The following ADGRA2 variants were observed in gnomAD, a reference collection of about 807,000 sequenced individuals.
ADGRA2 encodes adhesion G protein-coupled receptor A2.
A neutral mutation model predicts 98.7 loss-of-function variants in ADGRA2; 61 were observed. The ratio of observed to expected loss-of-function variants is 0.62; its 90% confidence interval spans 0.50 to 0.76. ADGRA2 has a LOEUF of 0.76. ADGRA2 is among the 30% of genes least tolerant of loss of function. The pLI is 0.00. For synonymous variants in ADGRA2, 858 were observed against 831.5 expected (o/e 1.03, Z -0.55); for missense variants, 1,712 against 1,860.0 (o/e 0.92, Z 1.46).
At chr8:37,840,086 C>T in intron 16 of ADGRA2, 35 bp from the exon 17 acceptor site, 1 of 1,542,338 alleles carries the variant, frequency 6.5e-7, no homozygotes, top group South Asian at 1.2e-5. Context: ...AGTCGTAGTC[C>T]CCAGGTCCCC....
chr8:37,815,432 C>G (rs143037120), intron 2 of ADGRA2, among the ~76,000 whole-genome samples: 6 of 152,352 alleles, frequency 3.9e-5, no homozygotes, highest in Admixed American at 1.3e-4. Flanking sequence ...GCCTCTCCCC[C>G]ACTCCAGCCC....
intron 1 of ADGRA2, among the ~76,000 whole-genome samples, chr8:37,806,243 T>C (rs1014963506): frequency 2.0e-5 from 3 of 152,202 alleles, no homozygotes; most frequent in Non-Finnish European, 4.4e-5. Flanking sequence ...TTTGTAGGAC[T>C]AGCCTGTTAC....
Position 37,797,669 on chromosome 8 carries a change from C to A in ADGRA2, c.266+135C>A. On this transcript the variant is annotated intron_variant, in intron 1 of 18. Transcript: ENST00000412232. The surrounding 1 kb of genome is among the most constrained non-coding windows in gnomAD (Gnocchi z 5.3). ...TTTCTGGACAGGCCTGGGTTCAGGC[C>A]CCCAGAGGGGAAGATTGGAGGAGCA... 1 of 873,504 alleles carries A rather than the reference C, an allele frequency of 1.1e-6. No homozygotes were observed. Among genetic ancestry groups the A allele is most frequent in the Non-Finnish European group, 1.5e-6 (1 of 649,112 alleles). 54.1% of individuals were successfully genotyped at this position (873,504 alleles called of 1,614,324 possible).
intron 11 of ADGRA2, 138 bp from the exon 12 acceptor site, chr8:37,835,036 A>G (rs1805565232): frequency 9.6e-6 from 6 of 624,514 alleles, no homozygotes; most frequent in Admixed American, 2.9e-5. Flanking sequence ...AAAAAAAAAA[A>G]GAGAGAGAGG....
At position 37,834,230 on chromosome 8, in the gene ADGRA2, C is replaced by A. The variant is rs989194417; in HGVS notation, c.1608+102C>A. The A allele has an allele frequency of 3.6e-6, 4 of 1,120,852 alleles. No homozygotes were observed. The highest frequency in any genetic ancestry group is 5.0e-6 in the Non-Finnish European group (4 of 795,912). The allele number at this position is 1,120,852 out of a possible 1,614,324, so 69.4% of individuals were successfully genotyped here. ...TGCCCCAGCTAGCAAGAGCAGCAGA[C>A]GTGACAAAGTTCTGAGCCATGGGGT... On this transcript the variant is annotated intron_variant, in intron 11 of 18. Coordinates refer to ENST00000412232, the MANE Select transcript of ADGRA2 (RefSeq NM_032777.10). The surrounding 1 kb of genome is among the most constrained non-coding windows in gnomAD (Gnocchi z 4.2).
Position 37,828,900 on chromosome 8 carries a change from C to G in ADGRA2, c.351C>G (p.Asn117Lys), listed in dbSNP as rs769611097. The change falls in exon 3 of 19, where the codon AAC becomes AAG. Residue 117 changes from asparagine to lysine, a missense_variant. Physicochemically the swap from Asn to Lys is moderately conservative, Grantham distance 94. Transcript: ENST00000412232. ...LSLLEKLDLRNNIISTVQPGA... is the reference protein window; with the variant it reads ...LSLLEKLDLRKNIISTVQPGA... ...CTTGCCTCTGCAGGGACCTGAGGAA[C>G]AACATCATCAGCACAGTGCAGCCGG... The G allele has an allele frequency of 1.3e-6, 2 of 1,599,554 alleles. No individual in the cohort carries two copies. Among genetic ancestry groups the G allele is most frequent in the Admixed American group, 3.5e-5 (2 of 57,150 alleles).
In ADGRA2 at chr8:37,806,520, C is replaced by T. The variant is rs141492074; in HGVS notation, c.267-8376C>T. ...CTTTTTCTTTTTCTTTTTCTTTTTT[C>T]TTTTTCTTTTTTTTTTTTTTTTGAG... On this transcript the variant is annotated intron_variant, in intron 1 of 18. Coordinates refer to ENST00000412232, the MANE Select transcript of ADGRA2 (RefSeq NM_032777.10). Among the ~76,000 whole-genome samples, 632 of 85,242 alleles carry T rather than the reference C, an allele frequency of 7.4e-3. 12 individuals are homozygous for T. The highest frequency in any genetic ancestry group is 0.04 in the African/African-American group (529 of 13,382). 55.9% of individuals were successfully genotyped at this position (85,242 alleles called of 152,430 possible). A position where few individuals can be genotyped will look rare whatever the true frequency, so the allele number is the denominator to read the frequency against.
chr8:37,803,907 A>C (rs1585964197), intron 1 of ADGRA2, among the ~76,000 whole-genome samples: 1 of 151,858 alleles, frequency 6.6e-6, no homozygotes, highest in African/African-American at 2.4e-5. Flanking sequence ...GGCCCCCTCT[A>C]CCGCCTCTGT....
Position 37,839,085 on chromosome 8 carries a change from TGGG to T in ADGRA2, c.2387+3_2387+5del. 1 of 1,606,786 alleles carries T rather than the reference TGGG, an allele frequency of 6.2e-7. No individual in the cohort carries two copies. Among genetic ancestry groups the T allele is most frequent in the Non-Finnish European group, 8.5e-7 (1 of 1,176,522 alleles). On this transcript the variant is annotated splice_donor_5th_base_variant and intron_variant, in intron 15 of 18. Coordinates refer to ENST00000412232, the MANE Select transcript of ADGRA2 (RefSeq NM_032777.10). ...CATCACCTACATCCTCAACCACAGG[TGGG>T]TGCTCCTGCAGGAGGGAGGGCGTGG... is the stretch of plus-strand genomic sequence containing the variant.
chr8:37,824,253 A>T (rs1309214284), intron 2 of ADGRA2, among the ~76,000 whole-genome samples: 1 of 150,470 alleles, frequency 6.6e-6, no homozygotes, highest in Non-Finnish European at 1.5e-5. Context: ...CTGGTCTCGA[A>T]CTCCTGACCT....
rs763697505 is a variant in ADGRA2 at position 37,844,655 on chromosome 8, G to T, written c.*2300G>T. ...GGGGTACAGGGCAGATCCGCTTCGGGGACTTCAACATGCAGGGTGGCAAGA... is the reference window on the plus strand; with the variant it reads ...GGGGTACAGGGCAGATCCGCTTCGGTGACTTCAACATGCAGGGTGGCAAGA... On this transcript the variant is annotated 3_prime_UTR_variant, in exon 19 of 19. Coordinates refer to ENST00000412232, the MANE Select transcript of ADGRA2 (RefSeq NM_032777.10). 4 of 1,613,968 alleles carry T rather than the reference G, an allele frequency of 2.5e-6. No homozygotes were observed.
intron 2 of ADGRA2, among the ~76,000 whole-genome samples, chr8:37,821,954 C>G (rs1262140792): frequency 1.3e-5 from 2 of 152,096 alleles, no homozygotes; most frequent in Non-Finnish European, 2.9e-5. Context: ...CTCCTCCCCT[C>G]CCCGTCCCCA....
intron 2 of ADGRA2, among the ~76,000 whole-genome samples, chr8:37,819,986 A>T (rs1296554246): frequency 2.0e-5 from 3 of 152,126 alleles, no homozygotes; most frequent in Non-Finnish European, 2.9e-5. Flanking sequence ...GACATTTTTT[A>T]AAAAAGGAAT....
At position 37,833,602 on chromosome 8, in the gene ADGRA2, A is replaced by G; in HGVS notation, c.1297-86A>G. 4.4e-6 allele frequency: 6 copies of G among 1,368,544 alleles called. No homozygotes were observed. The South Asian group carries it at 7.6e-5, about 17-fold the overall frequency. The allele number at this position is 1,368,544 out of a possible 1,614,324, so 84.8% of individuals were successfully genotyped here. A position where few individuals can be genotyped will look rare whatever the true frequency, so the allele number is the denominator to read the frequency against. ...GGACTCCTGTCCCCAGGCACTGAGC[A>G]CTGGCACAGAGCAGAGGGTCCCCAG... On this transcript the variant is annotated intron_variant, in intron 9 of 18. Transcript: ENST00000412232.
Position 37,834,056 on chromosome 8 carries a change from C to T in ADGRA2, c.1536C>T (p.Cys512=). ...TGGCCCAGCGCGAGGACAAGGCCTG[C>T]AGCCGCATCGTGGGTGCCCTGGAGC... ...LWLAQREDKA[C]SRIVGALERI... is the part of the protein sequence containing the mutation. Residue 512 remains cysteine, a synonymous_variant, in exon 11 of 19, where the codon TGC becomes TGT. Transcript: ENST00000412232. The surrounding 1 kb of genome is among the most constrained non-coding windows in gnomAD (Gnocchi z 4.2). The T allele has an allele frequency of 1.9e-6, 3 of 1,612,986 alleles. No homozygotes were observed. Among genetic ancestry groups the T allele is most frequent in the Non-Finnish European group, 2.5e-6 (3 of 1,179,970 alleles).
rs763448627 is a variant in ADGRA2, at chr8:37,840,833, C to T, written c.2731C>T (p.Arg911Trp). 3.1e-6 allele frequency: 5 copies of T among 1,601,244 alleles called. No homozygotes were observed. Among genetic ancestry groups the T allele is most frequent in the African/African-American group, 2.7e-5 (2 of 74,646 alleles). Residue 911 changes from arginine to tryptophan, a missense_variant, in exon 18 of 19, where the codon CGG becomes TGG. Transcript: ENST00000412232. ...AGCTGCAGTCAACATCCACAACTAC[C>T]GGGACCACAGCCCCTAGTGAGCACC... ...ITAAVNIHNY[R>W]DHSPYCWLVW...
intron 2 of ADGRA2, among the ~76,000 whole-genome samples, chr8:37,825,476 T>G (rs532888492): frequency 1.4e-4 from 22 of 151,828 alleles, no homozygotes; most frequent in African/African-American, 5.1e-4. Flanking sequence ...CTCGAACTCC[T>G]GACCTCAGGT....
chr8:37,829,740 C>T (rs1249894340), intron 5 of ADGRA2, 111 bp from the exon 6 acceptor site: 4 of 1,145,676 alleles, frequency 3.5e-6, no homozygotes, highest in South Asian at 1.4e-5. Flanking sequence ...CACATAGACC[C>T]GATTTTGCCC....
At position 37,828,866 on chromosome 8, in the gene ADGRA2, G is replaced by A. The variant is rs1178647849; in HGVS notation, c.339-22G>A. ...GGCTCCAGCGGGGAGAGGTGTGAGGGCCTCTGCACTTGCCTCTGCAGGGAC... is the reference window on the plus strand; with the variant it reads ...GGCTCCAGCGGGGAGAGGTGTGAGGACCTCTGCACTTGCCTCTGCAGGGAC... On this transcript the variant is annotated intron_variant, in intron 2 of 18. Transcript: ENST00000412232. 3.2e-6 allele frequency: 5 copies of A among 1,586,812 alleles called. No individual in the cohort carries two copies. In the South Asian group the frequency reaches 4.6e-5, roughly 15 times the overall value.
Sources: allele counts gnomAD v4.1 joint callset (sites outside exome capture counted in the v4.1 genomes callset), GRCh38; gene constraint gnomAD v4.1.1; non-coding constraint Gnocchi (gnomAD v3.1); transcripts MANE v1.5; gene names NCBI Gene and HGNC (gene_info 2026-07-23, HGNC 2026-07-21).